Variants in SMIM7 observed in about 807,000 individuals in gnomAD.
The protein encoded by SMIM7 is UPF0608 protein C19orf42.
A neutral mutation model predicts 13.3 loss-of-function variants in SMIM7; 12 were observed. The observed-to-expected ratio is 0.90, with a 90% CI of 0.58 to 1.46. The LOEUF (loss-of-function observed/expected upper bound fraction) is 1.46, where lower values mean the gene tolerates loss of function less well. Among genes scored for constraint, SMIM7 ranks in the 40% most tolerant of loss-of-function variants. The pLI is 0.00. For missense variants in SMIM7, 114 were observed against 94.8 expected (o/e 1.20, Z -0.84); for synonymous variants, 36 against 35.8 (o/e 1.01, Z -0.02).
downstream of SMIM7, among the ~76,000 whole-genome samples, chr19:16,643,040 G>C (rs1370398886): frequency 6.6e-6 from 1 of 152,014 alleles, no homozygotes; most frequent in African/African-American, 2.4e-5. Context: ...CTGACCTCGT[G>C]ATCCACCCGC....
chr19:16,645,666 T>C (rs2086441751), downstream of SMIM7: 1 of 121,672 alleles, frequency 8.2e-6, no homozygotes, highest in Admixed American at 7.5e-5. Flanking sequence ...AATTCTTTTT[T>C]TTTTTTTTTT....
downstream of SMIM7, among the ~76,000 whole-genome samples, chr19:16,642,818 C>G (rs1033184288): frequency 6.7e-6 from 1 of 150,102 alleles, no homozygotes; most frequent in African/African-American, 2.5e-5. Context: ...AGAGTGAGAC[C>G]TTATCTTTTT....
rs1189901969 is a variant in SMIM7, at chr19:16,660,093, C to G, written c.18G>C (p.Leu6=). The change falls in exon 1 of 5, where the codon CTG becomes CTC. Residue 6 remains leucine (L), a synonymous_variant. Coordinates refer to ENST00000487416, the MANE Select transcript of SMIM7 (RefSeq NM_024104.4). ...CTGGTCCCCCTAATTACCCGAACAG[C>G]AGGATGTCTCCGATCATCGTTACGG... The part of the protein sequence containing the change: MIGDI[L]LFGTLLMNAG... 1.2e-6 allele frequency: 2 copies of G among 1,614,224 alleles called. No individual in the cohort carries two copies. The highest frequency in any genetic ancestry group is 1.7e-6 in the Non-Finnish European group (2 of 1,180,046).
intron 4 of SMIM7, among the ~76,000 whole-genome samples, chr19:16,638,473 T>C (rs2086378027): frequency 1.3e-5 from 2 of 151,406 alleles, no homozygotes; most frequent in South Asian, 4.2e-4. Context: ...CCGGCTAATT[T>C]TTGTAATTTT....
At chr19:16,649,913 CAT>C (rs1376793807) in intron 4 of SMIM7, among the ~76,000 whole-genome samples, 11 of 152,066 alleles carry the variant, frequency 7.2e-5, no homozygotes, top group South Asian at 6.2e-4. Context: ...AAACTGTCCA[CAT>C]GAGGCAAATC....
intron 3 of SMIM7, 105 bp downstream of exon 3, chr19:16,659,282 CAAAAAAAA>C (rs752864646): frequency 2.7e-4 from 148 of 550,376 alleles, no homozygotes; most frequent in Middle Eastern, 1.3e-3. Flanking sequence ...GACCTTGTGT[CAAAAAAAA>C]AAAAAAAAAA....
intron 4 of SMIM7, chr19:16,653,033 G>C: frequency 1.3e-6 from 2 of 1,506,808 alleles, no homozygotes; most frequent in Non-Finnish European, 1.8e-6. Context: ...TTCCAGCCCA[G>C]GTGGAGCAGG....
chr19:16,639,632 C>T (rs1488312838), intron 4 of SMIM7, among the ~76,000 whole-genome samples: 1 of 152,178 alleles, frequency 6.6e-6, no homozygotes, highest in Admixed American at 6.5e-5. Context: ...CCACCCAAAT[C>T]TCATCTTGAG....
Position 16,659,435 on chromosome 19 carries a change from G to A in SMIM7, c.81C>T (p.Asp27=), listed in dbSNP as rs751889243. 5.6e-6 allele frequency: 9 copies of A among 1,613,540 alleles called. No individual in the cohort carries two copies. Among genetic ancestry groups the A allele is most frequent in the South Asian group, 1.1e-5 (1 of 90,838 alleles). Residue 27 remains aspartate, a synonymous_variant, in exon 3 of 5, where the codon GAC becomes GAT. Coordinates refer to ENST00000487416, the MANE Select transcript of SMIM7 (RefSeq NM_024104.4). The part of the protein sequence containing the change: ...AVLNFKLKKK[D]TQGFGEESRE... ...TGGACTCCTCCCCAAAGCCCTGCGT[G>A]TCCTTCTTTTTCCTACAAAGAGGAG...
At chr19:16,656,673 C>A (rs1254594732) in intron 3 of SMIM7, among the ~76,000 whole-genome samples, 1 of 151,988 alleles carries the variant, frequency 6.6e-6, no homozygotes, top group East Asian at 1.9e-4. Context: ...CCAAGGAGGG[C>A]AGATCACCTG....
intron 3 of SMIM7, among the ~76,000 whole-genome samples, chr19:16,658,008 C>T (rs1483474693): frequency 6.6e-6 from 1 of 152,224 alleles, no homozygotes; most frequent in Non-Finnish European, 1.5e-5. Flanking sequence ...GCACTCCAGC[C>T]TGGGCAACAG....
chr19:16,644,375 G>A (rs916737771), downstream of SMIM7, among the ~76,000 whole-genome samples: 3 of 151,458 alleles, frequency 2.0e-5, no homozygotes, highest in African/African-American at 7.3e-5. Flanking sequence ...GCCCACTTTG[G>A]CCTCCCAAAA....
intron 4 of SMIM7, among the ~76,000 whole-genome samples, chr19:16,637,255 C>A (rs2086367095): frequency 6.6e-6 from 1 of 152,094 alleles, no homozygotes; most frequent in African/African-American, 2.4e-5. Flanking sequence ...GTGGCTCACA[C>A]CTATAACCCC....
chr19:16,660,144 C>T lies in SMIM7; in HGVS notation c.-34G>A, dbSNP rs1041519350. The T allele has an allele frequency of 2.5e-6, 4 of 1,613,860 alleles. No homozygotes were observed. The highest frequency in any genetic ancestry group is 1.7e-6 in the Non-Finnish European group (2 of 1,179,944). ...CCGAAGCGTCCGTCAGAACCGGAAGCGGAAGCCCCAGGGAGGGAGGGGAGA... is the reference window on the plus strand; with the variant it reads ...CCGAAGCGTCCGTCAGAACCGGAAGTGGAAGCCCCAGGGAGGGAGGGGAGA... On this transcript the variant is annotated 5_prime_UTR_variant, in exon 1 of 5. Transcript: ENST00000487416.
chr19:16,633,606 G>A (rs1350826342), intron 4 of SMIM7, among the ~76,000 whole-genome samples: 2 of 151,922 alleles, frequency 1.3e-5, no homozygotes, highest in East Asian at 1.9e-4. Context: ...AGTGGCTCAC[G>A]CCTGCAGTCC....
At chr19:16,654,193 G>C in intron 3 of SMIM7, 68 bp from the exon 4 acceptor site, 1 of 1,378,338 alleles carries the variant, frequency 7.3e-7, no homozygotes, top group Non-Finnish European at 1.0e-6. Context: ...CTCAGCAGTG[G>C]ATTTTTGTGA....
At chr19:16,641,436 T>A (rs1210980849), downstream of SMIM7, 1 of 150,566 alleles carries the variant, frequency 6.6e-6, no homozygotes, top group African/African-American at 2.5e-5. Flanking sequence ...GTAACTGGGA[T>A]TACAGGCCTG....
At chr19:16,651,285 ACAACT>A (rs2086521370) in intron 4 of SMIM7, among the ~76,000 whole-genome samples, 2 of 152,326 alleles carry the variant, frequency 1.3e-5, no homozygotes, top group East Asian at 1.9e-4. Context: ...TCTCTGTCAC[ACAACT>A]CAACTCCACC....
intron 3 of SMIM7, among the ~76,000 whole-genome samples, chr19:16,654,752 T>C (rs1353671739): frequency 6.6e-6 from 1 of 151,956 alleles, no homozygotes; most frequent in East Asian, 1.9e-4. Context: ...AATTCAAATC[T>C]CAGTGTCAAT....
Sources: allele counts gnomAD v4.1 joint callset (sites outside exome capture counted in the v4.1 genomes callset), GRCh38; gene constraint gnomAD v4.1.1; transcripts MANE v1.5; gene names NCBI Gene and HGNC (gene_info 2026-07-23, HGNC 2026-07-21).